The following KRABD3 variants were observed in gnomAD, a reference collection of about 807,000 sequenced individuals.
The protein encoded by KRABD3 is KRAB domain-containing protein 3.
At chr7:149,719,764 C>T in the KRABD3 span, 1 of 1,433,246 alleles carries the variant, frequency 7.0e-7, no homozygotes, top group South Asian at 1.4e-5. The surrounding 1 kb of genome is among the most constrained non-coding windows in gnomAD (Gnocchi z 5.6). Context: ...CTTAGTCTTT[C>T]CACCTGAGAA....
the KRABD3 span, chr7:149,719,698 G>T: frequency 1.3e-6 from 2 of 1,589,212 alleles, no homozygotes; most frequent in African/African-American, 1.4e-5. This position sits in a 1 kb window ranked among gnomAD's most constrained non-coding sequence, Gnocchi z 5.6. Context: ...AGCAGCACGT[G>T]TGGCAGGAGC....
At chr7:149,723,850 C>T in the KRABD3 span, 1 of 1,613,896 alleles carries the variant, frequency 6.2e-7, no homozygotes, top group Admixed American at 1.7e-5. Flanking sequence ...GAACCGACGG[C>T]TACAGGAGAA....
chr7:149,725,507 C>A, the KRABD3 span: 2 of 1,585,802 alleles, frequency 1.3e-6, no homozygotes, highest in African/African-American at 2.7e-5. Context: ...TGGCCATGGG[C>A]GCGGGGTGGC....
the KRABD3 span, among the ~76,000 whole-genome samples, chr7:149,718,132 T>A: frequency 6.6e-6 from 1 of 151,662 alleles, no homozygotes; most frequent in African/African-American, 2.4e-5. Flanking sequence ...CTTGGGTGGG[T>A]GCAGGGGCTC....
At chr7:149,722,139 G>A in the KRABD3 span, 24 of 480,236 alleles carry the variant, frequency 5.0e-5, no homozygotes, top group South Asian at 2.5e-4. Context: ...TTTGAGAAGC[G>A]TGAGTGTGAG....
the KRABD3 span, chr7:149,730,745 G>C: frequency 1.3e-6 from 1 of 782,946 alleles, no homozygotes. Context: ...GGGCGGGGCT[G>C]CTGGGGGTGC....
At chr7:149,722,775 T>A in the KRABD3 span, 2 of 1,593,936 alleles carry the variant, frequency 1.3e-6, no homozygotes, top group African/African-American at 2.7e-5. Context: ...ACCTTGCATG[T>A]GCCACAGGAA....
At chr7:149,724,972 A>G in the KRABD3 span, 11 of 811,884 alleles carry the variant, frequency 1.4e-5, no homozygotes, top group South Asian at 2.3e-4. Context: ...TTTCTTCCCA[A>G]GCAGTGAATC....
At chr7:149,724,615 C>A in the KRABD3 span, 2 of 1,459,682 alleles carry the variant, frequency 1.4e-6, no homozygotes, top group Non-Finnish European at 1.8e-6. Flanking sequence ...TGAGTCCAGG[C>A]CTGAACCTTG....
At chr7:149,716,846 G>A in the KRABD3 span, among the ~76,000 whole-genome samples, 5 of 152,136 alleles carry the variant, frequency 3.3e-5, no homozygotes, top group African/African-American at 1.2e-4. Flanking sequence ...CATAGTCCCC[G>A]CATTTGTTCT....
the KRABD3 span, chr7:149,729,903 A>G: frequency 1.6e-6 from 2 of 1,258,032 alleles, no homozygotes; most frequent in Non-Finnish European, 2.0e-6. Context: ...ATGGCTTCCA[A>G]GGACTGGAGA....
At chr7:149,728,341 C>G in the KRABD3 span, among the ~76,000 whole-genome samples, 1 of 152,238 alleles carries the variant, frequency 6.6e-6, no homozygotes, top group Non-Finnish European at 1.5e-5. Context: ...CAGGACAGGC[C>G]AGGCTTCTTC....
At chr7:149,726,264 T>G in the KRABD3 span, among the ~76,000 whole-genome samples, 1 of 152,164 alleles carries the variant, frequency 6.6e-6, no homozygotes, top group Non-Finnish European at 1.5e-5. Flanking sequence ...TTTAGTGACT[T>G]GTCTTAGAAG....
At chr7:149,728,708 C>A in the KRABD3 span, 1 of 1,606,360 alleles carries the variant, frequency 6.2e-7, no homozygotes, top group African/African-American at 1.3e-5. Context: ...TGGGTGTAGA[C>A]AGGGCTGCTC....
the KRABD3 span, chr7:149,733,445 A>G: frequency 4.4e-6 from 7 of 1,589,372 alleles, no homozygotes; most frequent in Non-Finnish European, 6.0e-6. Flanking sequence ...AGTGGCCACC[A>G]TGAGGACCCA....
chr7:149,722,630 G>A, the KRABD3 span: 50 of 1,506,170 alleles, frequency 3.3e-5, no homozygotes, highest in Admixed American at 1.1e-4. Flanking sequence ...ATGCTGCTCC[G>A]CCGCCTGGGC....
At chr7:149,730,126 A>C in the KRABD3 span, 9 of 1,473,938 alleles carry the variant, frequency 6.1e-6, no homozygotes, top group Admixed American at 2.0e-4. Flanking sequence ...ATGACAGAGC[A>C]CTCTCTGGTC....
the KRABD3 span, among the ~76,000 whole-genome samples, chr7:149,728,933 G>A: frequency 6.6e-6 from 1 of 152,248 alleles, no homozygotes; most frequent in African/African-American, 2.4e-5. Context: ...TCCTTGTCCC[G>A]GCCGTGCCAG....
chr7:149,716,043 T>C, the KRABD3 span, among the ~76,000 whole-genome samples: 1 of 152,084 alleles, frequency 6.6e-6, no homozygotes, highest in Non-Finnish European at 1.5e-5. Context: ...AGGAGTGACC[T>C]TGGGGAGTGG....
Sources: gnomAD v4.1 joint callset for allele counts (sites outside exome capture counted in the v4.1 genomes callset) on GRCh38, gnomAD v4.1.1 for gene constraint, Gnocchi (gnomAD v3.1) non-coding constraint, MANE v1.5 for transcripts, NCBI Gene and HGNC (gene_info 2026-07-23, HGNC 2026-07-21) for gene names.